Variants in MESD observed in about 807,000 individuals in gnomAD.
The protein encoded by MESD is mesoderm development LRP chaperone.
A neutral mutation model predicts 12.9 loss-of-function variants in MESD; 7 were observed. The ratio of observed to expected loss-of-function variants is 0.54; its 90% confidence interval spans 0.31 to 1.02. The LOEUF (loss-of-function observed/expected upper bound fraction) is 1.02. Ranked by LOEUF, MESD falls within the 50% of genes least tolerant of loss-of-function variation. The pLI is 0.05. For missense variants in MESD, 342 were observed against 296.7 expected, an observed-to-expected ratio of 1.15 and a Z score of -1.12; for synonymous variants, 126 against 115.6, an observed-to-expected ratio of 1.09 and a Z score of -0.58.
At chr15:80,987,549 C>T (rs184507087) in intron 1 of MESD, among the ~76,000 whole-genome samples, 7 of 151,248 alleles carry the variant, frequency 4.6e-5, no homozygotes, top group African/African-American at 1.7e-4. Context: ...AGTGCAGTGG[C>T]ATGATCTTGG....
In MESD at chr15:80,961,127, C is replaced by T. The variant is rs568299554; in HGVS notation, c.*289-8831G>A. Among the ~76,000 whole-genome samples the T allele has an allele frequency of 2.6e-5, 4 of 152,230 alleles. No individual in the cohort carries two copies. In the South Asian group the frequency reaches 8.3e-4, roughly 32 times the overall value. On this transcript the variant is annotated intron_variant, in intron 3 of 4. Transcript: ENST00000561312. ...CACTTTTGCAAGCCCAGGGCTATTG[C>T]ACTACTCCTTGTTGGGATCCCTAAA...
intron 1 of MESD, among the ~76,000 whole-genome samples, chr15:80,982,781 T>C (rs1446734543): frequency 2.0e-5 from 3 of 152,098 alleles, no homozygotes; most frequent in South Asian, 2.1e-4. Flanking sequence ...GATATATCCA[T>C]TTATCAAAAT....
At chr15:80,948,895 A>T (rs774622527) in exon 5 of MESD, 6 of 1,614,068 alleles carry the variant, frequency 3.7e-6, no homozygotes, top group Non-Finnish European at 5.1e-6. Flanking sequence ...AGTTGTGCCC[A>T]TCCCTGTGGT....
At chr15:80,964,815 T>G (rs879338148) in intron 3 of MESD, among the ~76,000 whole-genome samples, 6 of 152,154 alleles carry the variant, frequency 3.9e-5, no homozygotes, top group African/African-American at 9.7e-5. Context: ...CAAGATGGAT[T>G]AAAAACTTAA....
chr15:80,962,419 T>G (rs1410671578), intron 3 of MESD, among the ~76,000 whole-genome samples: 2 of 152,172 alleles, frequency 1.3e-5, no homozygotes, highest in Non-Finnish European at 2.9e-5. Flanking sequence ...ACTGTCAATA[T>G]TAGACAGATC....
chr15:80,978,578 A>T lies in MESD; in HGVS notation c.*641T>A, dbSNP rs1001037265. 8.5e-5 allele frequency: 13 copies of T among 152,286 alleles called. No homozygotes were observed. The highest frequency in any genetic ancestry group is 3.1e-4 in the African/African-American group (13 of 41,432). 9.4% of individuals were successfully genotyped at this position (152,286 alleles called of 1,614,324 possible). A position where few individuals can be genotyped will look rare whatever the true frequency, so the allele number is the denominator to read the frequency against. On this transcript the variant is annotated 3_prime_UTR_variant, in exon 3 of 3. Coordinates refer to ENST00000261758, the MANE Select transcript of MESD (RefSeq NM_015154.3). ...CAAAACAGAACCCCTAACTTTACAG[A>T]CCACATAAAACCTGACAGACACCAA...
At chr15:80,948,895 A>C (rs774622527) in exon 5 of MESD, 1 of 1,614,068 alleles carries the variant, frequency 6.2e-7, no homozygotes, top group Non-Finnish European at 8.5e-7. Flanking sequence ...AGTTGTGCCC[A>C]TCCCTGTGGT....
At chr15:80,948,835 C>T in exon 5 of MESD, 6 of 1,614,216 alleles carry the variant, frequency 3.7e-6, no homozygotes, top group Non-Finnish European at 5.1e-6. Flanking sequence ...CAGCTTCCGG[C>T]CCATCTGGGT....
At chr15:80,980,830 T>C (rs941280811) in intron 2 of MESD, among the ~76,000 whole-genome samples, 1 of 151,718 alleles carries the variant, frequency 6.6e-6, no homozygotes, top group African/African-American at 2.4e-5. Context: ...CTTTTTTTTT[T>C]TTTTTCTTCC....
intron 4 of MESD, chr15:80,949,390 C>A (rs1901720402): frequency 3.9e-6 from 1 of 257,182 alleles, no homozygotes; most frequent in African/African-American, 2.2e-5. Context: ...TTAAGGAAAT[C>A]TTTACTCCTG....
chr15:80,976,759 T>C lies in MESD; in HGVS notation c.*2460A>G, dbSNP rs1312119708. The stretch of plus-strand genomic sequence containing the variant: ...AACAAAAGTGTACCGAAATATTTTG[T>C]ATGAAAATGTCCACTGCAGCACTGA... On this transcript the variant is annotated 3_prime_UTR_variant, in exon 3 of 3. Coordinates refer to ENST00000261758, the MANE Select transcript of MESD (RefSeq NM_015154.3). The C allele has an allele frequency of 1.3e-5, 2 of 152,196 alleles. No homozygotes were observed. Among genetic ancestry groups the C allele is most frequent in the Non-Finnish European group, 2.9e-5 (2 of 68,032 alleles). 9.4% of individuals were successfully genotyped at this position (152,196 alleles called of 1,614,324 possible).
At chr15:80,953,969 C>A (rs1004790418) in intron 3 of MESD, among the ~76,000 whole-genome samples, 8 of 152,184 alleles carry the variant, frequency 5.3e-5, no homozygotes. Context: ...CATCTCCAAT[C>A]TGGTCACCCA....
intron 3 of MESD, among the ~76,000 whole-genome samples, chr15:80,968,400 G>A (rs1368164640): frequency 2.0e-5 from 3 of 152,216 alleles, no homozygotes; most frequent in Non-Finnish European, 4.4e-5. Flanking sequence ...GCCCAGGCAG[G>A]ATGTTATCCT....
intron 3 of MESD, among the ~76,000 whole-genome samples, chr15:80,966,881 T>C (rs74028129): frequency 0.014 from 2,147 of 152,312 alleles, 51 homozygotes; most frequent in African/African-American, 0.049. Flanking sequence ...TGGCTTGAAG[T>C]GGCCAACTCC....
In MESD at chr15:80,977,912, T is replaced by A. The variant is rs931847554; in HGVS notation, c.*1307A>T. The A allele has an allele frequency of 6.6e-6, 1 of 152,222 alleles. No individual in the cohort carries two copies. Among genetic ancestry groups the A allele is most frequent in the African/African-American group, 2.4e-5 (1 of 41,440 alleles). The allele number at this position is 152,222 out of a possible 1,614,324, so 9.4% of individuals were successfully genotyped here. A position where few individuals can be genotyped will look rare whatever the true frequency, so the allele number is the denominator to read the frequency against. On this transcript the variant is annotated 3_prime_UTR_variant, in exon 3 of 3. Transcript: ENST00000261758. ...GGGTGGGGGGACTGCAGGGCAAATG[T>A]CCCATCCAAAGCAGAGAACTGAGAA...
chr15:80,980,657 TA>T (rs1413471809), intron 2 of MESD, among the ~76,000 whole-genome samples: 2 of 151,934 alleles, frequency 1.3e-5, no homozygotes, highest in Non-Finnish European at 2.9e-5. Flanking sequence ...AAACACACAC[TA>T]GGCATGGTTG....
At chr15:80,988,348 A>G (rs1466423974) in intron 1 of MESD, among the ~76,000 whole-genome samples, 3 of 152,156 alleles carry the variant, frequency 2.0e-5, no homozygotes, top group Admixed American at 6.5e-5. Context: ...CCTGTTATCT[A>G]CTGTTCCCAG....
rs1170048503 is a variant in MESD, at chr15:80,956,133, T to C, written c.*289-3837A>G. Among the ~76,000 whole-genome samples, 4 of 152,020 alleles carry C rather than the reference T, an allele frequency of 2.6e-5. 1 individual carries two copies. The highest frequency in any genetic ancestry group is 2.6e-4 in the Admixed American group (4 of 15,266). ...TGAGCCTGGAAGGTAGAGTCTGTGGTGAGCCGAGATCGCGCCACTACACTC... is the reference window on the plus strand; with the variant it reads ...TGAGCCTGGAAGGTAGAGTCTGTGGCGAGCCGAGATCGCGCCACTACACTC... On this transcript the variant is annotated intron_variant, in intron 3 of 4. Coordinates refer to the MESD transcript ENST00000561312.
At chr15:80,980,434 AT>A (rs1163017652) in intron 2 of MESD, among the ~76,000 whole-genome samples, 1 of 152,202 alleles carries the variant, frequency 6.6e-6, no homozygotes, top group African/African-American at 2.4e-5. Context: ...TAAATTAGTT[AT>A]CGGTTAACAG....
Sources: gnomAD v4.1 joint callset for allele counts (sites outside exome capture counted in the v4.1 genomes callset) on GRCh38, gnomAD v4.1.1 for gene constraint, MANE v1.5 for transcripts, NCBI Gene and HGNC (gene_info 2026-07-23, HGNC 2026-07-21) for gene names.